Variants in CNOT6 observed in about 807,000 individuals in gnomAD.
The protein encoded by CNOT6 is carbon catabolite repression 4 protein.
A neutral mutation model predicts 61.2 loss-of-function variants in CNOT6; 12 were observed. That is an observed-to-expected ratio of 0.20 (90% CI 0.13 to 0.32). The LOEUF is 0.32. Ranked by LOEUF, CNOT6 falls within the 10% of genes least tolerant of loss-of-function variation. The probability of loss-of-function intolerance (pLI) is 1.00; values close to 1 mark genes in which losing one functional copy is unlikely to be tolerated. For missense variants in CNOT6, 405 were observed against 663.9 expected (o/e 0.61, Z 4.28); for synonymous variants, 225 against 240.6 (o/e 0.94, Z 0.60).
chr5:180,524,783 T>G (rs993656055), intron 1 of CNOT6, among the ~76,000 whole-genome samples: 2 of 152,190 alleles, frequency 1.3e-5, no homozygotes, highest in Non-Finnish European at 2.9e-5. Context: ...TAATGATTAA[T>G]AGGACAAAAA....
At chr5:180,555,972 T>C (rs1463541997) in intron 4 of CNOT6, among the ~76,000 whole-genome samples, 2 of 152,190 alleles carry the variant, frequency 1.3e-5, no homozygotes, top group African/African-American at 4.8e-5. Context: ...TGACCTTAGG[T>C]GCCCATTCAC....
chr5:180,556,371 TTAA>T (rs1759892143), intron 4 of CNOT6, among the ~76,000 whole-genome samples: 1 of 152,142 alleles, frequency 6.6e-6, no homozygotes, highest in Non-Finnish European at 1.5e-5. Flanking sequence ...GTAACTATAG[TTAA>T]TAATAATGTG....
intron 4 of CNOT6, among the ~76,000 whole-genome samples, chr5:180,563,937 T>C (rs1241417010): frequency 1.3e-5 from 2 of 152,158 alleles, no homozygotes; most frequent in East Asian, 3.9e-4. Flanking sequence ...CCTGGGATTT[T>C]TTCCCCCTCC....
At chr5:180,547,770 G>A (rs1389406812) in intron 2 of CNOT6, among the ~76,000 whole-genome samples, 2 of 152,112 alleles carry the variant, frequency 1.3e-5, no homozygotes, top group Non-Finnish European at 2.9e-5. Flanking sequence ...GTCTCACTCT[G>A]TCGCCCAGAC....
chr5:180,555,018 T>C (rs1221316044), intron 4 of CNOT6, among the ~76,000 whole-genome samples: 4 of 152,128 alleles, frequency 2.6e-5, no homozygotes, highest in Non-Finnish European at 5.9e-5. Context: ...TGCTTTTTTT[T>C]TTTTTTGAGA....
At chr5:180,531,436 G>A (rs1026466139) in intron 2 of CNOT6, among the ~76,000 whole-genome samples, 1 of 151,716 alleles carries the variant, frequency 6.6e-6, no homozygotes, top group Non-Finnish European at 1.5e-5. Flanking sequence ...GGGCGGCCGG[G>A]CAGAGACGCT....
At position 180,569,310 on chromosome 5, in the gene CNOT6, T is replaced by A. The variant is rs1389071596; in HGVS notation, c.1228T>A (p.Cys410Ser). 6.2e-7 allele frequency: 1 copy of A among 1,613,024 alleles called. No individual in the cohort carries two copies. The change falls in exon 10 of 12, where the codon TGT becomes AGT. Residue 410 changes from cysteine (C) to serine (S), a missense_variant. By Grantham distance (112) the Cys-to-Ser change is moderately radical. Transcript: ENST00000261951. ...GEFGTIPLVL[C>S]ADLNSLPDSG... ...ATTTGGAACTATTCCACTTGTGTTATGTGCAGATCTTAATTCTTTGCCAGA... is the reference window on the plus strand; with the variant it reads ...ATTTGGAACTATTCCACTTGTGTTAAGTGCAGATCTTAATTCTTTGCCAGA...
chr5:180,513,981 C>T (rs1245868690), intron 1 of CNOT6, among the ~76,000 whole-genome samples: 2 of 151,772 alleles, frequency 1.3e-5, no homozygotes, highest in Non-Finnish European at 2.9e-5. Flanking sequence ...GGATTACAGG[C>T]GTGAGCCACC....
At chr5:180,547,481 C>T (rs1759371760) in intron 2 of CNOT6, among the ~76,000 whole-genome samples, 1 of 151,966 alleles carries the variant, frequency 6.6e-6, no homozygotes, top group Admixed American at 6.6e-5. Flanking sequence ...GATCGCGCCA[C>T]TGCATTCCAG....
chr5:180,526,293 A>G (rs1758099814), intron 1 of CNOT6, among the ~76,000 whole-genome samples: 2 of 152,226 alleles, frequency 1.3e-5, no homozygotes, highest in Non-Finnish European at 2.9e-5. Flanking sequence ...AGAATAGCAC[A>G]TATATGTGTG....
At chr5:180,544,052 C>A (rs576908960) in intron 2 of CNOT6, among the ~76,000 whole-genome samples, 2 of 152,122 alleles carry the variant, frequency 1.3e-5, no homozygotes, top group Non-Finnish European at 1.5e-5. Flanking sequence ...ACCTCGTGAT[C>A]CACCCGCCTC....
chr5:180,554,124 T>G (rs116468884), intron 4 of CNOT6, among the ~76,000 whole-genome samples: 508 of 152,204 alleles, frequency 3.3e-3, no homozygotes, highest in African/African-American at 0.012. Flanking sequence ...GTCGTCAAGA[T>G]TTGCACCCTT....
chr5:180,576,057 A>G lies in CNOT6; in HGVS notation c.*1857A>G, dbSNP rs1760988913. On this transcript the variant is annotated 3_prime_UTR_variant, in exon 12 of 12. Coordinates refer to ENST00000261951, the MANE Select transcript of CNOT6 (RefSeq NM_001370472.1). Reference sequence around the variant, plus strand: ...TGCTTTTTGTTTAAGTTGTGCTGACACCAAACACATCCAGTTTATAATCAG... The same window carrying G: ...TGCTTTTTGTTTAAGTTGTGCTGACGCCAAACACATCCAGTTTATAATCAG... 1 of 152,520 alleles carries G rather than the reference A, an allele frequency of 6.6e-6. No individual in the cohort carries two copies. The highest frequency in any genetic ancestry group is 6.5e-5 in the Admixed American group (1 of 15,268). 9.4% of individuals were successfully genotyped at this position (152,520 alleles called of 1,614,324 possible).
At chr5:180,529,128 G>C (rs1758229731) in intron 1 of CNOT6, 147 bp from the exon 2 acceptor site, 2 of 620,736 alleles carry the variant, frequency 3.2e-6, no homozygotes, top group South Asian at 4.0e-5. Context: ...AGAATTGCTT[G>C]AAGAGGTTGG....
chr5:180,565,731 C>A, intron 6 of CNOT6, 89 bp from the exon 7 acceptor site: 2 of 1,263,156 alleles, frequency 1.6e-6, no homozygotes, highest in Non-Finnish European at 2.2e-6. Context: ...TACGGTCAAA[C>A]TTAACATTTA....
chr5:180,572,668 G>T (rs1473761962), intron 11 of CNOT6, among the ~76,000 whole-genome samples: 1 of 151,918 alleles, frequency 6.6e-6, no homozygotes, highest in African/African-American at 2.4e-5. Flanking sequence ...TCCTGCCTCA[G>T]CCTCCCCGCT....
Position 180,569,354 on chromosome 5 carries a change from G to GT in CNOT6, c.1258+15dup. ...TGCCAGACTCTGGTAAGAAAATAAT[G>GT]TGATTTTATGTAGAATATTTTTTGA... On this transcript the variant is annotated intron_variant, in intron 10 of 11. Transcript: ENST00000261951. 3 of 1,505,464 alleles carry GT rather than the reference G, an allele frequency of 2.0e-6. No individual in the cohort carries two copies. The highest frequency in any genetic ancestry group is 2.8e-6 in the Non-Finnish European group (3 of 1,084,932). 93.3% of individuals were successfully genotyped at this position (1,505,464 alleles called of 1,614,324 possible). A position where few individuals can be genotyped will look rare whatever the true frequency, so the allele number is the denominator to read the frequency against.
At chr5:180,530,873 C>T (rs1384971057) in intron 2 of CNOT6, among the ~76,000 whole-genome samples, 19 of 152,082 alleles carry the variant, frequency 1.2e-4, no homozygotes, top group Admixed American at 6.5e-4. Flanking sequence ...TCAGAGAGCA[C>T]GGGGTTGGGG....
At chr5:180,545,647 A>G (rs1048299957) in intron 2 of CNOT6, among the ~76,000 whole-genome samples, 2 of 152,192 alleles carry the variant, frequency 1.3e-5, no homozygotes, top group African/African-American at 2.4e-5. Context: ...GTTGTTTCCA[A>G]TATTTGACTA....
Sources: gnomAD v4.1 joint callset for allele counts (sites outside exome capture counted in the v4.1 genomes callset) on GRCh38, gnomAD v4.1.1 for gene constraint, MANE v1.5 for transcripts, NCBI Gene and HGNC (gene_info 2026-07-23, HGNC 2026-07-21) for gene names.